ROBO2: variants seen among roughly 807,000 people sequenced by gnomAD.
ROBO2 encodes the protein roundabout homolog 2.
Under a neutral mutation model 160.8 loss-of-function variants are expected in ROBO2, and 53 were observed. The ratio of observed to expected loss-of-function variants is 0.33; its 90% confidence interval spans 0.26 to 0.41. The LOEUF (loss-of-function observed/expected upper bound fraction) is 0.41. Among genes scored for constraint, ROBO2 ranks in the 10% least tolerant of loss-of-function variants. The pLI is 1.00. For missense variants in ROBO2, 1,577 were observed against 1,722.4 expected, an observed-to-expected ratio of 0.92 and a Z score of 1.49; for synonymous variants, 664 against 611.7, an observed-to-expected ratio of 1.09 and a Z score of -1.26.
At chr3:77,244,767 A>C (rs1430825519) in intron 2 of ROBO2, among the ~76,000 whole-genome samples, 1 of 151,572 alleles carries the variant, frequency 6.6e-6, no homozygotes, top group African/African-American at 2.4e-5. Context: ...AGTCCCAGCT[A>C]CTCGGGAGGC....
At chr3:75,976,187 A>G (rs2065128810) in intron 2 of ROBO2, among the ~76,000 whole-genome samples, 1 of 151,644 alleles carries the variant, frequency 6.6e-6, no homozygotes, top group African/African-American at 2.4e-5. Flanking sequence ...ACATGTGACT[A>G]TGCATATACT....
chr3:76,830,954 A>G (rs2067037095), intron 2 of ROBO2, among the ~76,000 whole-genome samples: 1 of 152,112 alleles, frequency 6.6e-6, no homozygotes, highest in South Asian at 2.1e-4. Flanking sequence ...ATGCCACTGC[A>G]CTCCAGCCTG....
At chr3:76,213,191 A>G (rs1191082998) in intron 2 of ROBO2, among the ~76,000 whole-genome samples, 1 of 152,160 alleles carries the variant, frequency 6.6e-6, no homozygotes, top group Non-Finnish European at 1.5e-5. Context: ...GGCCATTATA[A>G]CCTTAAAACA....
intron 6 of ROBO2, among the ~76,000 whole-genome samples, chr3:77,533,920 C>T (rs556587742): frequency 5.9e-5 from 9 of 151,924 alleles, no homozygotes; most frequent in Admixed American, 1.3e-4. Flanking sequence ...CTTCTTTCTC[C>T]GCCTTCTGAA....
intron 2 of ROBO2, among the ~76,000 whole-genome samples, chr3:76,927,954 T>C (rs913049725): frequency 2.0e-5 from 3 of 152,150 alleles, no homozygotes; most frequent in Non-Finnish European, 4.4e-5. Context: ...AATAATATTT[T>C]ATCCAAGAGC....
chr3:77,098,409 C>A, intron 2 of ROBO2, 69 bp downstream of exon 2: 5 of 1,458,558 alleles, frequency 3.4e-6, no homozygotes, highest in Non-Finnish European at 4.8e-6. Flanking sequence ...TTGATGTGTT[C>A]CCATAGACGC....
intron 2 of ROBO2, among the ~76,000 whole-genome samples, chr3:76,734,306 T>A (rs1251478313): frequency 6.6e-6 from 1 of 152,194 alleles, no homozygotes; most frequent in Non-Finnish European, 1.5e-5. Flanking sequence ...TCTTCCAAGT[T>A]GAAACACATT....
intron 2 of ROBO2, among the ~76,000 whole-genome samples, chr3:77,112,276 C>G (rs1048081349): frequency 3.3e-5 from 5 of 150,488 alleles, no homozygotes; most frequent in African/African-American, 1.2e-4. Context: ...CGGAGTCTCG[C>G]CTTGTCGCCC....
At chr3:77,376,311 C>T (rs1194620897) in intron 2 of ROBO2, among the ~76,000 whole-genome samples, 1 of 151,808 alleles carries the variant, frequency 6.6e-6, no homozygotes, top group African/African-American at 2.4e-5. Flanking sequence ...TGCACCAGTA[C>T]ACCTGGCTAA....
At chr3:77,041,133 A>G (rs1467395842) in intron 1 of ROBO2, among the ~76,000 whole-genome samples, 2 of 152,226 alleles carry the variant, frequency 1.3e-5, no homozygotes, top group African/African-American at 4.8e-5. Context: ...TTTTGTTAGA[A>G]AAAGAAATAT....
In ROBO2 at chr3:77,527,195, C is replaced by T. The variant is rs771989305; in HGVS notation, c.934+4293C>T. Among the ~76,000 whole-genome samples, 3 of 151,372 alleles carry T rather than the reference C, an allele frequency of 2.0e-5. No homozygotes were observed. The South Asian group carries it at 6.2e-4, about 31-fold the overall frequency. The stretch of plus-strand genomic sequence containing the variant: ...TCTCTCAAATTGCTTACAGTCAGTT[C>T]TCAAAGTAATTATTTTCCTAGAATT... On this transcript the variant is annotated intron_variant, in intron 6 of 25. Transcript: ENST00000461745.
In ROBO2 at chr3:76,470,495, T is replaced by G. The variant is rs2078597516; in HGVS notation, c.109+532893T>G. ...CACTGCTGTGGCTGGGAGCTTAGCTTAAGATGTTGACTGAATCCCCTATTG... is the reference window on the plus strand; with the variant it reads ...CACTGCTGTGGCTGGGAGCTTAGCTGAAGATGTTGACTGAATCCCCTATTG... On this transcript the variant is annotated intron_variant, in intron 2 of 26. Coordinates refer to the ROBO2 transcript ENST00000487694. Among the ~76,000 whole-genome samples, 3 of 152,092 alleles carry G rather than the reference T, an allele frequency of 2.0e-5. No individual in the cohort carries two copies. In the South Asian group the frequency reaches 6.2e-4, roughly 32 times the overall value.
intron 2 of ROBO2, among the ~76,000 whole-genome samples, chr3:76,326,735 C>T (rs2073058691): frequency 6.7e-6 from 1 of 150,116 alleles, no homozygotes. Flanking sequence ...CGTCATCTAG[C>T]ATTAGGTATA....
At chr3:77,637,271 C>A (rs2095279967) in intron 24 of ROBO2, among the ~76,000 whole-genome samples, 1 of 152,140 alleles carries the variant, frequency 6.6e-6, no homozygotes, top group Admixed American at 6.5e-5. Context: ...CAGAATGAAG[C>A]TTAGTTGAAA....
chr3:77,029,278 A>G (rs949937610), intron 2 of ROBO2, among the ~76,000 whole-genome samples: 1 of 152,150 alleles, frequency 6.6e-6, no homozygotes, highest in African/African-American at 2.4e-5. Flanking sequence ...AGTTCCCAAG[A>G]TAGATCATAT....
intron 5 of ROBO2, among the ~76,000 whole-genome samples, chr3:77,501,697 T>C (rs1582506810): frequency 6.6e-6 from 1 of 151,296 alleles, no homozygotes; most frequent in East Asian, 1.9e-4. Context: ...ACGGCAATAT[T>C]TTTTTTCAAT....
At chr3:77,030,417 T>C (rs2063248207) in intron 2 of ROBO2, among the ~76,000 whole-genome samples, 1 of 152,250 alleles carries the variant, frequency 6.6e-6, no homozygotes, top group African/African-American at 2.4e-5. Context: ...AGAATTCTAC[T>C]AATTTATCAT....
At chr3:76,013,621 G>A (rs568447691) in intron 2 of ROBO2, among the ~76,000 whole-genome samples, 1 of 151,624 alleles carries the variant, frequency 6.6e-6, no homozygotes, top group South Asian at 2.1e-4. Flanking sequence ...TATGTATAAA[G>A]GCATTTGGAG....
chr3:77,181,169 A>G (rs2080748098), intron 2 of ROBO2, among the ~76,000 whole-genome samples: 1 of 152,180 alleles, frequency 6.6e-6, no homozygotes, highest in South Asian at 2.1e-4. Context: ...AAAATGCCCA[A>G]GGTAGACTGC....
Sources: gnomAD v4.1 joint callset for allele counts (sites outside exome capture counted in the v4.1 genomes callset) on GRCh38, gnomAD v4.1.1 for gene constraint, MANE v1.5 for transcripts, NCBI Gene and HGNC (gene_info 2026-07-23, HGNC 2026-07-21) for gene names.